The following PRMT7 variants were observed in gnomAD, a reference collection of about 807,000 sequenced individuals.
PRMT7 encodes the protein protein arginine N-methyltransferase 7.
In PRMT7, 75 loss-of-function variants were observed where a neutral mutation model predicts 85.4. The ratio of observed to expected loss-of-function variants is 0.88; its 90% CI spans 0.73 to 1.06. PRMT7 has a LOEUF of 1.06. PRMT7 is among the 50% of genes least tolerant of loss of function. PRMT7 has a pLI of 0.00. For synonymous variants in PRMT7, 397 were observed against 359.5 expected (o/e 1.10, Z -1.18); for missense variants, 868 against 915.2 (o/e 0.95, Z 0.67).
chr16:68,331,233 T>A (rs1483580863), intron 6 of PRMT7, among the ~76,000 whole-genome samples: 1 of 152,098 alleles, frequency 6.6e-6, no homozygotes, highest in Admixed American at 6.5e-5. Context: ...CTCTCTTTTT[T>A]ATAGCGTGAT....
rs1274799270 is a variant in PRMT7, at chr16:68,357,360, T to G, written c.*136T>G. ...AGGGATGGGAAAGACTGCGCCGTGT[T>G]GCATCTTGTTGCATCTTTGCACTGC... On this transcript the variant is annotated 3_prime_UTR_variant, in exon 19 of 19. Transcript: ENST00000441236. 3.8e-5 allele frequency: 33 copies of G among 867,752 alleles called. No individual in the cohort carries two copies. Among genetic ancestry groups the G allele is most frequent in the Non-Finnish European group, 1.4e-5 (8 of 578,128 alleles). The allele number at this position is 867,752 out of a possible 1,614,324, so 53.8% of individuals were successfully genotyped here.
chr16:68,356,814 G>C lies in PRMT7; in HGVS notation c.1908+17G>C. On this transcript the variant is annotated intron_variant, in intron 18 of 18. Coordinates refer to ENST00000441236, the MANE Select transcript of PRMT7 (RefSeq NM_019023.5). The stretch of plus-strand genomic sequence containing the variant: ...GACCCCGAGGTAGTGCCTGCGCACC[G>C]GGCCCAGTGTGCGTGCAGACCCTGA... 2 of 1,593,790 alleles carry C rather than the reference G, an allele frequency of 1.3e-6. No homozygotes were observed. Among genetic ancestry groups the C allele is most frequent in the East Asian group, 2.3e-5 (1 of 43,894 alleles).
chr16:68,316,532 G>A (rs543647111), intron 3 of PRMT7, among the ~76,000 whole-genome samples: 3 of 151,816 alleles, frequency 2.0e-5, no homozygotes, highest in East Asian at 2.0e-4. Context: ...TTGGGAGGCC[G>A]AGGTGGCCAG....
At chr16:68,347,588 T>G (rs1367333616) in intron 12 of PRMT7, 43 bp from the exon 13 acceptor site, 1 of 1,584,590 alleles carries the variant, frequency 6.3e-7, no homozygotes, top group Non-Finnish European at 8.7e-7. Flanking sequence ...TTCTTCTCTG[T>G]TAAGTGAATA....
intron 15 of PRMT7, 196 bp downstream of exon 15, chr16:68,352,605 C>T (rs775879488): frequency 8.1e-6 from 4 of 491,828 alleles, no homozygotes; most frequent in African/African-American, 4.0e-5. Flanking sequence ...ATTTGACATA[C>T]GAAATGGAAA....
rs535708068 is a variant in PRMT7 at position 68,322,940 on chromosome 16, G to T, written c.132+1478G>T. On this transcript the variant is annotated intron_variant, in intron 4 of 18. Transcript: ENST00000441236. ...TCCCAGCTACTCAGGAGGCTGATGC[G>T]GGAGAATGGCGTGAATCTGGGAGGC... 3.5e-3 allele frequency among the ~76,000 whole-genome samples: 528 copies of T among 152,046 alleles called. 6 individuals carry two copies. Among genetic ancestry groups the T allele is most frequent in the Middle Eastern group, 6.8e-3 (2 of 294 alleles).
chr16:68,346,383 C>T, intron 11 of PRMT7, 103 bp downstream of exon 11: 1 of 1,540,318 alleles, frequency 6.5e-7, no homozygotes, highest in Non-Finnish European at 8.9e-7. Context: ...TTTCCTGTGT[C>T]CTCTTGTCTA....
intron 6 of PRMT7, among the ~76,000 whole-genome samples, chr16:68,331,777 T>A (rs2083945056): frequency 1.3e-5 from 2 of 152,218 alleles, no homozygotes; most frequent in Non-Finnish European, 2.9e-5. Context: ...CCTGGCCTCA[T>A]TTTTGATATT....
Position 68,329,085 on chromosome 16 carries a change from A to T in PRMT7, c.302A>T (p.Asp101Val). 1 of 1,610,790 alleles carries T rather than the reference A, an allele frequency of 6.2e-7. No individual in the cohort carries two copies. The highest frequency in any genetic ancestry group is 1.1e-5 in the South Asian group (1 of 90,986). ...YAIEVFKPMA[D>V]AAVKIVEKNG... Reference sequence around the variant, plus strand: ...TTCTAGGTTTTCAAGCCTATGGCTGATGCTGCTGTGAAGATTGTGGAGAAA... The same window carrying T: ...TTCTAGGTTTTCAAGCCTATGGCTGTTGCTGCTGTGAAGATTGTGGAGAAA... Residue 101 changes from aspartate to valine, a missense_variant, in exon 6 of 19, where the codon GAT becomes GTT. By Grantham distance (152) the Asp-to-Val change is radical. Transcript: ENST00000441236.
At chr16:68,334,995 C>T (rs913521183) in intron 6 of PRMT7, among the ~76,000 whole-genome samples, 1 of 152,042 alleles carries the variant, frequency 6.6e-6, no homozygotes, top group Non-Finnish European at 1.5e-5. Context: ...CAAGGTTTCA[C>T]CACATTGGCC....
intron 7 of PRMT7, among the ~76,000 whole-genome samples, chr16:68,337,991 A>G (rs527493830): frequency 6.6e-6 from 1 of 152,096 alleles, no homozygotes; most frequent in East Asian, 1.9e-4. Flanking sequence ...GGCAGGAGAG[A>G]TGGGCTTAGC....
At chr16:68,335,599 T>A (rs1224896408) in intron 6 of PRMT7, among the ~76,000 whole-genome samples, 3 of 151,670 alleles carry the variant, frequency 2.0e-5, no homozygotes, top group South Asian at 2.1e-4. Context: ...TTTTTTTTTT[T>A]ATCTTCATCA....
intron 16 of PRMT7, 35 bp downstream of exon 16, chr16:68,353,601 C>G (rs200281929): frequency 6.6e-7 from 1 of 1,507,782 alleles, no homozygotes; most frequent in African/African-American, 1.4e-5. Context: ...GTACCCCCGA[C>G]CTGCTCCTGT....
chr16:68,352,410 G>A lies in PRMT7; in HGVS notation c.1575+1G>A. ...GCACGCTGTGGTTGTGGAGTTCAGG[G>A]TAGGCCACCCAGGGGATGTTGGAGA... On this transcript the variant is annotated splice_donor_variant, in intron 15 of 18. Transcript: ENST00000441236. LOFTEE classifies it high-confidence loss of function. 1 of 1,593,970 alleles carries A rather than the reference G, an allele frequency of 6.3e-7. No individual in the cohort carries two copies. The highest frequency in any genetic ancestry group is 8.5e-7 in the Non-Finnish European group (1 of 1,173,936).
In PRMT7 at chr16:68,315,941, CT is replaced by C; in HGVS notation, c.-38del. On this transcript the variant is annotated 5_prime_UTR_variant, in exon 3 of 19. Coordinates refer to ENST00000441236, the MANE Select transcript of PRMT7 (RefSeq NM_019023.5). ...GTCCACAAGAACTCAACTGGCAAGG[CT>C]GCTTTTCTGTGCTAAAACTGGGGAG... is the stretch of plus-strand genomic sequence containing the variant. 1 of 1,569,348 alleles carries C rather than the reference CT, an allele frequency of 6.4e-7. No individual in the cohort carries two copies. Among genetic ancestry groups the C allele is most frequent in the East Asian group, 2.2e-5 (1 of 44,634 alleles).
Position 68,339,503 on chromosome 16 carries a change from A to G in PRMT7, c.686A>G (p.Gln229Arg). 1 of 1,614,180 alleles carries G rather than the reference A, an allele frequency of 6.2e-7. No homozygotes were observed. The highest frequency in any genetic ancestry group is 8.5e-7 in the Non-Finnish European group (1 of 1,180,046). Reference sequence around the variant, plus strand: ...GGCGCACCCTCTGTCTGTGACATTCAGCTGAACCAGGTGTCACCAGCCGAC... The same window carrying G: ...GGCGCACCCTCTGTCTGTGACATTCGGCTGAACCAGGTGTCACCAGCCGAC... ...CPGAPSVCDI[Q>R]LNQVSPADFT... The change falls in exon 8 of 19, where the codon CAG becomes CGG. Residue 229 changes from glutamine to arginine, a missense_variant. Coordinates refer to ENST00000441236, the MANE Select transcript of PRMT7 (RefSeq NM_019023.5).
At chr16:68,341,884 A>G (rs567519955) in intron 9 of PRMT7, among the ~76,000 whole-genome samples, 2 of 152,368 alleles carry the variant, frequency 1.3e-5, no homozygotes, top group African/African-American at 4.8e-5. Context: ...TGACCTAACA[A>G]TGGCTTCACC....
intron 14 of PRMT7, 117 bp from the exon 15 acceptor site, chr16:68,352,131 G>GGAGGGAGT: frequency 9.3e-7 from 1 of 1,073,914 alleles, no homozygotes; most frequent in South Asian, 1.5e-5. Context: ...GGAGGGAGAG[G>GGAGGGAGT]GAGGGAGTGA....
intron 6 of PRMT7, among the ~76,000 whole-genome samples, chr16:68,336,178 G>A (rs1225190321): frequency 6.6e-6 from 1 of 152,154 alleles, no homozygotes; most frequent in African/African-American, 2.4e-5. Context: ...TAATTCATGA[G>A]GCATTAAAAG....
Sources: allele counts gnomAD v4.1 joint callset (sites outside exome capture counted in the v4.1 genomes callset), GRCh38; gene constraint gnomAD v4.1.1; transcripts MANE v1.5; gene names NCBI Gene and HGNC (gene_info 2026-07-23, HGNC 2026-07-21).